Variants in SUN5 observed in about 807,000 individuals in gnomAD.
The protein encoded by SUN5 is Sad1 and UNC84 domain containing 5.
A neutral mutation model predicts 53.7 loss-of-function variants in SUN5; 44 were observed. That is an observed-to-expected ratio of 0.82 (90% CI 0.64 to 1.05). SUN5 has a LOEUF of 1.05. Ranked by LOEUF, SUN5 falls within the 50% of genes least tolerant of loss-of-function variation. The pLI, the probability that SUN5 is intolerant of heterozygous loss-of-function variation, is 0.00. For synonymous variants in SUN5, 166 were observed against 179.8 expected (o/e 0.92, Z 0.62); for missense variants, 433 against 483.8 (o/e 0.90, Z 0.98).
chr20:32,997,812 G>A, intron 5 of SUN5, 125 bp from the exon 6 acceptor site: 1 of 908,664 alleles, frequency 1.1e-6, no homozygotes, highest in Non-Finnish European at 1.7e-6. Context: ...CAACACTGGG[G>A]GAATTACTTA....
At chr20:33,003,583 T>C (rs1990111820) in intron 1 of SUN5, among the ~76,000 whole-genome samples, 1 of 152,154 alleles carries the variant, frequency 6.6e-6, no homozygotes, top group Non-Finnish European at 1.5e-5. Context: ...ATTTAAAATT[T>C]TCCCTTATTT....
intron 8 of SUN5, among the ~76,000 whole-genome samples, chr20:32,992,618 G>T (rs558408510): frequency 6.6e-6 from 1 of 152,256 alleles, no homozygotes; most frequent in East Asian, 1.9e-4. Context: ...ATTAAAATTA[G>T]ACATTTTTGT....
At chr20:32,985,930 T>C in intron 10 of SUN5, 27 bp from the exon 11 acceptor site, 1 of 1,605,252 alleles carries the variant, frequency 6.2e-7, no homozygotes, top group Non-Finnish European at 8.5e-7. Flanking sequence ...CAATAAGGGA[T>C]ATGCTGGGTG....
At chr20:32,990,573 T>C (rs1246718087) in intron 8 of SUN5, among the ~76,000 whole-genome samples, 1 of 152,202 alleles carries the variant, frequency 6.6e-6, no homozygotes, top group Non-Finnish European at 1.5e-5. Flanking sequence ...CAGCACTGCC[T>C]GGTTCTCTGG....
chr20:32,985,209 A>G, intron 11 of SUN5, 24 bp from the exon 12 acceptor site: 1 of 1,611,400 alleles, frequency 6.2e-7, no homozygotes. Context: ...ACCAAGGTGA[A>G]GGCGTCAGAT....
At chr20:32,995,193 C>T (rs8114079) in intron 8 of SUN5, among the ~76,000 whole-genome samples, 2 of 151,992 alleles carry the variant, frequency 1.3e-5, no homozygotes, top group Admixed American at 6.5e-5. Context: ...TTAATAAGCT[C>T]GGCAAACCAC....
At chr20:32,988,445 T>G (rs938588104) in intron 9 of SUN5, among the ~76,000 whole-genome samples, 4 of 152,248 alleles carry the variant, frequency 2.6e-5, no homozygotes, top group Admixed American at 2.0e-4. Flanking sequence ...CCTCACAGCC[T>G]CCCTTTGTCT....
chr20:33,001,023 G>C (rs1989990387), intron 4 of SUN5, among the ~76,000 whole-genome samples, 189 bp downstream of exon 4: 2 of 152,126 alleles, frequency 1.3e-5, no homozygotes, highest in African/African-American at 4.8e-5. Context: ...GGACACTGCA[G>C]GCTGAGGGGC....
At chr20:32,984,389 TGTAA>T (rs779248246) in intron 12 of SUN5, among the ~76,000 whole-genome samples, 77 of 152,256 alleles carry the variant, frequency 5.1e-4, no homozygotes, top group South Asian at 1.0e-3. Flanking sequence ...GTAAGTTCTC[TGTAA>T]GTGAGGCCCC....
intron 8 of SUN5, among the ~76,000 whole-genome samples, chr20:32,991,895 A>C (rs1989719303): frequency 6.6e-6 from 1 of 152,320 alleles, no homozygotes; most frequent in Non-Finnish European, 1.5e-5. Flanking sequence ...ACCCAAACCC[A>C]TATGAACAGG....
chr20:32,995,060 A>G (rs1236976053), intron 8 of SUN5, among the ~76,000 whole-genome samples: 2 of 152,204 alleles, frequency 1.3e-5, no homozygotes, highest in African/African-American at 4.8e-5. Context: ...CTTTCAAAGC[A>G]TAGGCCTAGC....
At chr20:32,986,768 G>T (rs918750057) in intron 10 of SUN5, among the ~76,000 whole-genome samples, 1 of 152,188 alleles carries the variant, frequency 6.6e-6, no homozygotes, top group African/African-American at 2.4e-5. Context: ...AAACCTGACT[G>T]CAGCCAGCGC....
At chr20:32,998,171 T>G (rs1390494792) in intron 5 of SUN5, among the ~76,000 whole-genome samples, 1 of 48,230 alleles carries the variant, frequency 2.1e-5, no homozygotes, top group African/African-American at 7.7e-5. Flanking sequence ...AAACCCCATC[T>G]CTACAAAAAA....
rs369504614 is a variant in SUN5, at chr20:32,999,836, G to A, written c.340+238C>T. On this transcript the variant is annotated intron_variant, in intron 5 of 12. Coordinates refer to ENST00000356173, the MANE Select transcript of SUN5 (RefSeq NM_080675.4). Reference sequence around the variant, plus strand: ...AAGAAGCCATGGAAACCCAGAAAGCGGAAGTAACAATGTTCATAACACGGT... The same window carrying A: ...AAGAAGCCATGGAAACCCAGAAAGCAGAAGTAACAATGTTCATAACACGGT... 91 of 1,375,836 alleles carry A rather than the reference G, an allele frequency of 6.6e-5. No homozygotes were observed. The East Asian group carries it at 9.8e-4, about 15-fold the overall frequency. The allele number at this position is 1,375,836 out of a possible 1,614,324, so 85.2% of individuals were successfully genotyped here. A position where few individuals can be genotyped will look rare whatever the true frequency, so the allele number is the denominator to read the frequency against.
At chr20:32,985,636 T>A in intron 11 of SUN5, 100 bp downstream of exon 11, 1 of 1,437,472 alleles carries the variant, frequency 7.0e-7, no homozygotes, top group Non-Finnish European at 9.5e-7. Context: ...CCCTCCAGCC[T>A]GCAAGTGTTG....
Position 32,996,335 on chromosome 20 carries a change from C to T in SUN5, c.414G>A (p.Leu138=), listed in dbSNP as rs1989846758. ...AAGATTCCTCTTACCTCAAGCTCTGCAGTGGACCATTTATGCTGTCATCCT... is the reference window on the plus strand; with the variant it reads ...AAGATTCCTCTTACCTCAAGCTCTGTAGTGGACCATTTATGCTGTCATCCT... The part of the protein sequence containing the change: ...VWQDDSINGP[L]QSLRLYQEKV... The change falls in exon 7 of 13, where the codon CTG becomes CTA. Residue 138 remains leucine, a synonymous_variant. Coordinates refer to ENST00000356173, the MANE Select transcript of SUN5 (RefSeq NM_080675.4). The T allele has an allele frequency of 5.0e-6, 8 of 1,613,342 alleles. No homozygotes were observed. The highest frequency in any genetic ancestry group is 6.8e-6 in the Non-Finnish European group (8 of 1,179,484).
chr20:32,988,179 G>T (rs1264585797), intron 9 of SUN5, among the ~76,000 whole-genome samples: 1 of 152,164 alleles, frequency 6.6e-6, no homozygotes, highest in Admixed American at 6.5e-5. Context: ...GCCTGGCACA[G>T]GGTAAGCGCT....
In SUN5 at chr20:33,002,846, C is replaced by A; in HGVS notation, c.136+15G>T. The A allele has an allele frequency of 6.2e-7, 1 of 1,613,920 alleles. No individual in the cohort carries two copies. Among genetic ancestry groups the A allele is most frequent in the African/African-American group, 1.3e-5 (1 of 75,050 alleles). ...AGCTGCCCATGAAAATACCAGGGCA[C>A]CTGTCCTTGCTCACTCATGTTTGGG... On this transcript the variant is annotated intron_variant, in intron 2 of 12. Coordinates refer to ENST00000356173, the MANE Select transcript of SUN5 (RefSeq NM_080675.4).
chr20:32,985,009 G>T, intron 12 of SUN5, 90 bp downstream of exon 12: 1 of 1,348,884 alleles, frequency 7.4e-7, no homozygotes, highest in South Asian at 1.3e-5. Context: ...ACCTCCTGGG[G>T]ATACTGGGGG....
Sources: allele counts gnomAD v4.1 joint callset (sites outside exome capture counted in the v4.1 genomes callset), GRCh38; gene constraint gnomAD v4.1.1; transcripts MANE v1.5; gene names NCBI Gene and HGNC (gene_info 2026-07-23, HGNC 2026-07-21).